Variants in ACTN1 observed in about 807,000 individuals in gnomAD.
ACTN1 encodes the protein alpha-actinin-1.
A neutral mutation model predicts 119.6 loss-of-function variants in ACTN1; 30 were observed. The ratio of observed to expected loss-of-function variants is 0.25; its 90% CI spans 0.19 to 0.34. The LOEUF is 0.34. ACTN1 is among the 10% of genes least tolerant of loss of function. The pLI is 1.00. For synonymous variants in ACTN1, 429 were observed against 472.6 expected, an observed-to-expected ratio of 0.91 and a Z score of 1.20; for missense variants, 764 against 1,223.4, an observed-to-expected ratio of 0.62 and a Z score of 5.60.
intron 3 of ACTN1, among the ~76,000 whole-genome samples, chr14:68,919,479 T>C (rs1002577731): frequency 3.1e-4 from 47 of 152,390 alleles, no homozygotes; most frequent in African/African-American, 1.1e-3. Flanking sequence ...CTTTTCTTAT[T>C]ATAAGGCAGA....
At position 68,890,107 on chromosome 14, in the gene ACTN1, T is replaced by C. The variant is rs943259234; in HGVS notation, c.1234+32A>G. The C allele has an allele frequency of 4.9e-5, 79 of 1,607,546 alleles. 1 individual carries two copies. The highest frequency in any genetic ancestry group is 6.3e-5 in the Non-Finnish European group (74 of 1,177,080). On this transcript the variant is annotated intron_variant, in intron 11 of 21. Transcript: ENST00000394419. ...GCTGAAGAGTAGGGAAGTGAAGCCC[T>C]GGGGGGAGGCAGGAGGCTGGGCTGG...
rs367816826 is a variant in ACTN1 at position 68,902,463 on chromosome 14, G to T, written c.762+14C>A. 167 of 1,612,866 alleles carry T rather than the reference G, an allele frequency of 1.0e-4. No individual in the cohort carries two copies. The highest frequency in any genetic ancestry group is 1.3e-4 in the Non-Finnish European group (159 of 1,179,192). On this transcript the variant is annotated intron_variant, in intron 8 of 21. Coordinates refer to ENST00000394419, the MANE Select transcript of ACTN1 (RefSeq NM_001130004.2). ...GGTGTGCTGGGCATGGAAGGAGCAG[G>T]GGGCCCCGGGTACCTTCTGGGCTCC... is the stretch of plus-strand genomic sequence containing the variant.
chr14:68,906,192 C>G (rs1446488654), intron 6 of ACTN1, among the ~76,000 whole-genome samples: 1 of 152,074 alleles, frequency 6.6e-6, no homozygotes, highest in African/African-American at 2.4e-5. Context: ...GTACGGAATA[C>G]CCCTGAACAG....
At chr14:68,919,258 C>T (rs554746959) in intron 3 of ACTN1, among the ~76,000 whole-genome samples, 4 of 152,324 alleles carry the variant, frequency 2.6e-5, no homozygotes, top group South Asian at 4.1e-4. Context: ...GTGCCCATCC[C>T]GCTTAGGACA....
chr14:68,966,829 C>A (rs184905657), intron 1 of ACTN1, among the ~76,000 whole-genome samples: 1 of 152,216 alleles, frequency 6.6e-6, no homozygotes, highest in Non-Finnish European at 1.5e-5. Flanking sequence ...CAAACCCACA[C>A]AAAAGGACCA....
chr14:68,883,365 G>T, intron 14 of ACTN1: 1 of 326,342 alleles, frequency 3.1e-6, no homozygotes, highest in Non-Finnish European at 5.7e-6. Flanking sequence ...CACAACATGA[G>T]CTTCCTTAGC....
At position 68,976,085 on chromosome 14, in the gene ACTN1, C is replaced by G. The variant is rs77224623; in HGVS notation, c.105+2867G>C. Among the ~76,000 whole-genome samples the G allele has an allele frequency of 9.1e-3, 1,379 of 152,318 alleles. 28 individuals carry two copies. Among genetic ancestry groups the G allele is most frequent in the African/African-American group, 0.032 (1,332 of 41,556 alleles). Reference sequence around the variant, plus strand: ...AGTGCCCCATCCCTAATACCTGGAACTGTGTCTGACCCAGAATGAGTGCTC... The same window carrying G: ...AGTGCCCCATCCCTAATACCTGGAAGTGTGTCTGACCCAGAATGAGTGCTC... On this transcript the variant is annotated intron_variant, in intron 1 of 21. Coordinates refer to ENST00000394419, the MANE Select transcript of ACTN1 (RefSeq NM_001130004.2).
chr14:68,874,984 G>C lies in ACTN1; in HGVS notation c.2620C>G (p.Leu874Val). 2 of 1,613,746 alleles carry C rather than the reference G, an allele frequency of 1.2e-6. No individual in the cohort carries two copies. The highest frequency in any genetic ancestry group is 1.7e-6 in the Non-Finnish European group (2 of 1,180,014). Reference sequence around the variant, plus strand: ...CAGTACTCAGCCTGGTCGGGTGGCAGCTCGCGGCGCAGCTCGTCCATGGTA... The same window carrying C: ...CAGTACTCAGCCTGGTCGGGTGGCACCTCGCGGCGCAGCTCGTCCATGGTA... ...YITMDELRRE[L>V]PPDQAEYCIA... Residue 874 changes from leucine (L) to valine (V), a missense_variant, in exon 22 of 22, where the codon CTG (leucine) becomes GTG (valine). Physicochemically the swap from Leu to Val is conservative, Grantham distance 32. Around this residue, in one of 4 missense-constraint regions of ACTN1, gnomAD observed 102 missense variants for 78.2 expected, o/e 1.30. Coordinates refer to ENST00000394419, the MANE Select transcript of ACTN1 (RefSeq NM_001130004.2).
chr14:68,914,646 G>C (rs1056168586), intron 3 of ACTN1, among the ~76,000 whole-genome samples: 2 of 152,130 alleles, frequency 1.3e-5, no homozygotes, highest in African/African-American at 2.4e-5. Flanking sequence ...CAAACTTGTA[G>C]TCCTAGCTTC....
At chr14:68,978,303 G>A (rs1048993575) in intron 1 of ACTN1, 6 of 441,584 alleles carry the variant, frequency 1.4e-5, no homozygotes, top group East Asian at 1.4e-4. Context: ...CAATAAAACG[G>A]TCTGCTGTCC....
intron 1 of ACTN1, among the ~76,000 whole-genome samples, chr14:68,974,856 G>A (rs1040824062): frequency 6.6e-6 from 1 of 152,188 alleles, no homozygotes; most frequent in Admixed American, 6.5e-5. Context: ...CTCTTTCCTA[G>A]AGACCCGACA....
At chr14:68,889,301 G>A (rs560579930) in intron 11 of ACTN1, among the ~76,000 whole-genome samples, 1 of 152,292 alleles carries the variant, frequency 6.6e-6, no homozygotes, top group East Asian at 1.9e-4. Context: ...ACTGTAATTG[G>A]AGGCCAGGAA....
intron 1 of ACTN1, among the ~76,000 whole-genome samples, chr14:68,931,434 G>A (rs1181354227): frequency 7.9e-5 from 12 of 152,202 alleles, no homozygotes; most frequent in Non-Finnish European, 1.8e-4. Context: ...GGGAACTGGG[G>A]CTCTATGACC....
chr14:68,951,189 T>A (rs1047025580), intron 1 of ACTN1, among the ~76,000 whole-genome samples: 1 of 152,026 alleles, frequency 6.6e-6, no homozygotes, highest in Non-Finnish European at 1.5e-5. Flanking sequence ...CCCTGGGCCC[T>A]GACTCCAGGG....
At chr14:68,876,823 C>T (rs575457154) in intron 21 of ACTN1, among the ~76,000 whole-genome samples, 5 of 152,282 alleles carry the variant, frequency 3.3e-5, no homozygotes, top group African/African-American at 1.2e-4. Context: ...ATCTGCCACC[C>T]GTCATTTCAT....
At chr14:68,924,768 A>G (rs541338406) in intron 2 of ACTN1, among the ~76,000 whole-genome samples, 1 of 152,390 alleles carries the variant, frequency 6.6e-6, no homozygotes, top group South Asian at 2.1e-4. Flanking sequence ...AGAAGGAATC[A>G]GAATAAACAG....
intron 3 of ACTN1, among the ~76,000 whole-genome samples, chr14:68,918,632 ACAC>A (rs1344841991): frequency 6.6e-6 from 1 of 151,668 alleles, no homozygotes; most frequent in Non-Finnish European, 1.5e-5. Context: ...GCGGTGGCGC[ACAC>A]CTGTAATCTC....
chr14:68,978,063 A>T (rs2037128246), intron 1 of ACTN1: 1 of 455,522 alleles, frequency 2.2e-6, no homozygotes, highest in Non-Finnish European at 4.4e-6. Flanking sequence ...GCCAGCTCCG[A>T]GCCCAGCTCC....
chr14:68,947,681 T>G (rs143621594), intron 1 of ACTN1: 25 of 152,344 alleles, frequency 1.6e-4, no homozygotes, highest in African/African-American at 6.0e-4. Flanking sequence ...CCGGTCCCAA[T>G]CATCCCACAG....
Sources: gnomAD v4.1 joint callset for allele counts (sites outside exome capture counted in the v4.1 genomes callset) on GRCh38, gnomAD v4.1.1 for gene constraint, gnomAD v4.1.1 regional missense constraint, MANE v1.5 for transcripts, NCBI Gene and HGNC (gene_info 2026-07-23, HGNC 2026-07-21) for gene names.